The following SLC24A2 variants were observed in gnomAD, a reference collection of about 807,000 sequenced individuals.
SLC24A2 encodes the protein sodium/potassium/calcium exchanger 2.
In SLC24A2, 36 loss-of-function variants were observed where a neutral mutation model predicts 62.0. The ratio of observed to expected loss-of-function variants is 0.58; its 90% CI spans 0.44 to 0.77. SLC24A2 has a LOEUF of 0.77. Ranked by LOEUF, SLC24A2 falls within the 30% of genes least tolerant of loss-of-function variation. The pLI, the probability that SLC24A2 is intolerant of heterozygous loss-of-function variation, is 0.00. For synonymous variants in SLC24A2, 358 were observed against 294.0 expected (o/e 1.22, Z -2.23); for missense variants, 846 against 817.9 (o/e 1.03, Z -0.42).
chr9:19,592,709 A>C (rs1836594597), intron 5 of SLC24A2, among the ~76,000 whole-genome samples: 1 of 152,212 alleles, frequency 6.6e-6, no homozygotes, highest in African/African-American at 2.4e-5. Flanking sequence ...ATTATTATTC[A>C]GAATAATTTT....
the SLC24A2 span, among the ~76,000 whole-genome samples, chr9:20,033,293 T>C: frequency 6.6e-6 from 1 of 152,210 alleles, no homozygotes; most frequent in Non-Finnish European, 1.5e-5. Flanking sequence ...ACTTAATTGC[T>C]GAGCACGTCA....
At chr9:20,305,460 T>A in the SLC24A2 span, among the ~76,000 whole-genome samples, 1 of 152,144 alleles carries the variant, frequency 6.6e-6, no homozygotes, top group African/African-American at 2.4e-5. Context: ...ACCTATCTGT[T>A]AAAGGCTTTA....
upstream of SLC24A2, among the ~76,000 whole-genome samples, chr9:19,793,237 G>C (rs1282852361): frequency 2.0e-5 from 3 of 152,244 alleles, no homozygotes; most frequent in Non-Finnish European, 4.4e-5. Context: ...TTTCTCACTT[G>C]TGCTACCTGT....
chr9:19,902,744 A>G, the SLC24A2 span, among the ~76,000 whole-genome samples: 3 of 152,216 alleles, frequency 2.0e-5, no homozygotes, highest in Admixed American at 6.5e-5. Context: ...ATATTTTCAG[A>G]GTGAGAAGGC....
the SLC24A2 span, among the ~76,000 whole-genome samples, chr9:19,902,832 T>C: frequency 1.3e-5 from 2 of 152,198 alleles, no homozygotes; most frequent in African/African-American, 4.8e-5. Context: ...ACTTCTGAGA[T>C]ATAGTGTGAG....
chr9:19,526,104 G>C (rs1833436567), intron 9 of SLC24A2, among the ~76,000 whole-genome samples: 2 of 152,070 alleles, frequency 1.3e-5, no homozygotes, highest in Non-Finnish European at 2.9e-5. Flanking sequence ...GAAATCATAT[G>C]ATGTGTCCTT....
At chr9:19,683,169 A>C (rs936319988) in intron 2 of SLC24A2, among the ~76,000 whole-genome samples, 1 of 152,086 alleles carries the variant, frequency 6.6e-6, no homozygotes, top group African/African-American at 2.4e-5. Flanking sequence ...TTGAACACTT[A>C]CTGTATGCTA....
chr9:19,793,056 A>G (rs1227474790), upstream of SLC24A2, among the ~76,000 whole-genome samples: 3 of 152,338 alleles, frequency 2.0e-5, no homozygotes, highest in African/African-American at 7.2e-5. Context: ...TGCATTTCTC[A>G]GCATCTAGCC....
At chr9:20,054,115 T>A in the SLC24A2 span, among the ~76,000 whole-genome samples, 1 of 152,178 alleles carries the variant, frequency 6.6e-6, no homozygotes, top group Non-Finnish European at 1.5e-5. Flanking sequence ...AGGTGGTGTT[T>A]AGTTGCATGG....
chr9:20,088,020 A>G, the SLC24A2 span, among the ~76,000 whole-genome samples: 1 of 152,196 alleles, frequency 6.6e-6, no homozygotes, highest in East Asian at 1.9e-4. Context: ...CTTCAGTCTG[A>G]CATGTAGAGA....
the SLC24A2 span, among the ~76,000 whole-genome samples, chr9:20,069,247 C>A: frequency 6.6e-6 from 1 of 152,192 alleles, no homozygotes; most frequent in Non-Finnish European, 1.5e-5. Flanking sequence ...CACAGAATTA[C>A]ATCGTTTTAT....
intron 2 of SLC24A2, among the ~76,000 whole-genome samples, chr9:19,771,535 A>G (rs1005920360): frequency 3.3e-5 from 5 of 152,196 alleles, no homozygotes; most frequent in African/African-American, 1.2e-4. Flanking sequence ...GCTCATCTGA[A>G]TGCTATTTAA....
At chr9:19,610,059 C>T (rs1837105907) in intron 4 of SLC24A2, among the ~76,000 whole-genome samples, 1 of 152,122 alleles carries the variant, frequency 6.6e-6, no homozygotes, top group East Asian at 1.9e-4. Context: ...TTGGGGACCC[C>T]TGCTTTAGTT....
chr9:20,037,006 C>T, the SLC24A2 span, among the ~76,000 whole-genome samples: 1 of 152,058 alleles, frequency 6.6e-6, no homozygotes, highest in Non-Finnish European at 1.5e-5. Context: ...AGAGATTCTC[C>T]TGCCTCAGCC....
chr9:19,847,428 ACT>A, the SLC24A2 span, among the ~76,000 whole-genome samples: 2 of 151,892 alleles, frequency 1.3e-5, no homozygotes, highest in African/African-American at 4.8e-5. Flanking sequence ...GGTCAACAAA[ACT>A]CTCAATTGCA....
the SLC24A2 span, among the ~76,000 whole-genome samples, chr9:19,945,597 C>G: frequency 6.6e-6 from 1 of 152,074 alleles, no homozygotes; most frequent in African/African-American, 2.4e-5. Context: ...TAGTAAATGC[C>G]AGACACTAAG....
At chr9:19,781,050 T>C (rs1314880487) in intron 2 of SLC24A2, among the ~76,000 whole-genome samples, 1 of 152,148 alleles carries the variant, frequency 6.6e-6, no homozygotes, top group Admixed American at 6.5e-5. Flanking sequence ...ACAGTAATCA[T>C]AGTAAATATA....
At chr9:19,519,344 C>G (rs1833081792) in intron 10 of SLC24A2, among the ~76,000 whole-genome samples, 1 of 128,844 alleles carries the variant, frequency 7.8e-6, no homozygotes, top group African/African-American at 3.0e-5. Flanking sequence ...TTTCTTTAAA[C>G]TTCCTTGTGT....
intron 8 of SLC24A2, among the ~76,000 whole-genome samples, chr9:19,544,694 A>G (rs1301463644): frequency 6.6e-6 from 1 of 152,018 alleles, no homozygotes; most frequent in Non-Finnish European, 1.5e-5. Context: ...TACGAAACTG[A>G]GTTTGCCTGG....
Sources: gnomAD v4.1 joint callset for allele counts (sites outside exome capture counted in the v4.1 genomes callset) on GRCh38, gnomAD v4.1.1 for gene constraint, MANE v1.5 for transcripts, NCBI Gene and HGNC (gene_info 2026-07-23, HGNC 2026-07-21) for gene names.